The following PRKCD variants were observed in gnomAD, a reference collection of about 807,000 sequenced individuals.
PRKCD encodes protein kinase C delta.
A neutral mutation model predicts 82.2 loss-of-function variants in PRKCD; 20 were observed. The ratio of observed to expected loss-of-function variants is 0.24; its 90% CI spans 0.17 to 0.35. The LOEUF is 0.35. Among genes scored for constraint, PRKCD ranks in the 10% least tolerant of loss-of-function variants. The pLI is 1.00. For missense variants in PRKCD, 607 were observed against 899.0 expected (o/e 0.68, Z 4.15); for synonymous variants, 317 against 337.0 (o/e 0.94, Z 0.65).
intron 2 of PRKCD, among the ~76,000 whole-genome samples, chr3:53,168,922 C>T (rs115832719): frequency 0.011 from 1,659 of 150,572 alleles, 12 homozygotes; most frequent in Middle Eastern, 0.027. Flanking sequence ...GCACTGGGGG[C>T]TTGGGCAGGG....
intron 13 of PRKCD, 50 bp from the exon 14 acceptor site, chr3:53,186,554 G>A (rs781953846): frequency 1.3e-6 from 2 of 1,532,612 alleles, no homozygotes; most frequent in Non-Finnish European, 1.8e-6. Flanking sequence ...CCTCAGTGAG[G>A]GAGCCTCCTG....
chr3:53,183,072 C>T (rs782279532), intron 7 of PRKCD, 49 bp from the exon 8 acceptor site: 8 of 1,586,542 alleles, frequency 5.0e-6, no homozygotes, highest in South Asian at 1.1e-5. Flanking sequence ...ATAGACTCTG[C>T]CCCTCCCGGT....
Position 53,184,362 on chromosome 3 carries a change from AACAAC to A in PRKCD, c.788-510_788-506del, listed in dbSNP as rs869083501. Among the ~76,000 whole-genome samples, 929 of 146,088 alleles carry A rather than the reference AACAAC, an allele frequency of 6.4e-3. 13 individuals carry two copies. Among genetic ancestry groups the A allele is most frequent in the African/African-American group, 0.023 (892 of 39,074 alleles). Reference sequence around the variant, plus strand: ...CAACAACAACAACAACAACAACAACAACAACAAAAATCATGAAAGATTGAAATGCT... The same window carrying A: ...CAACAACAACAACAACAACAACAACAAAAAATCATGAAAGATTGAAATGCT... On this transcript the variant is annotated intron_variant, in intron 9 of 18. Transcript: ENST00000330452.
At chr3:53,188,644 A>G in intron 15 of PRKCD, 76 bp from the exon 16 acceptor site, 2 of 1,582,308 alleles carry the variant, frequency 1.3e-6, no homozygotes, top group Non-Finnish European at 1.7e-6. Context: ...ATACGGCTGA[A>G]AATTAGGACA....
chr3:53,162,200 C>T (rs1345650127), intron 1 of PRKCD, among the ~76,000 whole-genome samples: 1 of 148,682 alleles, frequency 6.7e-6, no homozygotes, highest in Non-Finnish European at 1.5e-5. Context: ...CTGCCCGATA[C>T]GGTCTGTACT....
In PRKCD at chr3:53,183,004, C is replaced by T. The variant is rs186842574; in HGVS notation, c.572-117C>T. ...GGCCTCTGCGGGGTGAGGGTGTGGG[C>T]GGTCAGGAGAACGGTGGCTTTGTGT... On this transcript the variant is annotated intron_variant, in intron 7 of 18. Coordinates refer to ENST00000330452, the MANE Select transcript of PRKCD (RefSeq NM_006254.4). 2.9e-4 allele frequency: 281 copies of T among 966,102 alleles called. 1 individual carries two copies. In the African/African-American group the frequency reaches 3.8e-3, roughly 13 times the overall value. 59.8% of individuals were successfully genotyped at this position (966,102 alleles called of 1,614,324 possible).
rs558357666 is a variant in PRKCD at position 53,176,253 on chromosome 3, G to A, written c.-19-2151G>A. ...CTCACATCCACTGAGTAGGAGCCAG[G>A]GCCGGGCAAGGAATGTGGTGGGGTC... On this transcript the variant is annotated intron_variant, in intron 2 of 18. Coordinates refer to ENST00000330452, the MANE Select transcript of PRKCD (RefSeq NM_006254.4). Among the ~76,000 whole-genome samples the A allele has an allele frequency of 1.1e-3, 171 of 151,934 alleles. 1 individual carries two copies. The highest frequency in any genetic ancestry group is 4.0e-3 in the African/African-American group (166 of 41,182).
chr3:53,186,202 C>T lies in PRKCD; in HGVS notation c.1122C>T (p.Tyr374=). ...GAGAGCTGAAGGGCAGAGGAGAGTACTTTGCCATCAAGGCCCTCAAGAAGG... is the reference window on the plus strand; with the variant it reads ...GAGAGCTGAAGGGCAGAGGAGAGTATTTTGCCATCAAGGCCCTCAAGAAGG... ...LLGELKGRGE[Y]FAIKALKKDV... is the part of the protein sequence containing the mutation. The change falls in exon 13 of 19, where the codon TAC becomes TAT. Residue 374 remains tyrosine, a synonymous_variant. Coordinates refer to ENST00000330452, the MANE Select transcript of PRKCD (RefSeq NM_006254.4). The T allele has an allele frequency of 6.2e-7, 1 of 1,614,154 alleles. No homozygotes were observed. The highest frequency in any genetic ancestry group is 2.2e-5 in the East Asian group (1 of 44,886).
At position 53,185,608 on chromosome 3, in the gene PRKCD, C is replaced by T; in HGVS notation, c.893C>T (p.Ala298Val). 1.9e-6 allele frequency: 3 copies of T among 1,613,374 alleles called. No homozygotes were observed. Among genetic ancestry groups the T allele is most frequent in the East Asian group, 2.2e-5 (1 of 44,888 alleles). The change falls in exon 11 of 19, where the codon GCC (alanine) becomes GTC (valine). Residue 298 changes from alanine to valine, a missense_variant. Around this residue, in one of 5 missense-constraint regions of PRKCD, gnomAD observed 85 missense variants for 76.1 expected, o/e 1.12. Transcript: ENST00000330452. Reference sequence around the variant, plus strand: ...CCACCTCTGCTCCCTCCCCAGAGAGCCTCCCGGAGATCAGACTCAGCCTCC... The same window carrying T: ...CCACCTCTGCTCCCTCCCCAGAGAGTCTCCCGGAGATCAGACTCAGCCTCC... ...AEALNQVTQR[A>V]SRRSDSASSE...
intron 15 of PRKCD, 31 bp downstream of exon 15, chr3:53,187,433 G>T (rs782501583): frequency 7.5e-6 from 12 of 1,610,548 alleles, no homozygotes; most frequent in Non-Finnish European, 1.0e-5. Flanking sequence ...GGGGCTCTTG[G>T]GAGGGGAGGC....
chr3:53,164,413 T>C (rs1358452194), intron 1 of PRKCD, among the ~76,000 whole-genome samples: 1 of 152,104 alleles, frequency 6.6e-6, no homozygotes, highest in Non-Finnish European at 1.5e-5. Context: ...TGAAACCCTG[T>C]CTGTACCAAA....
chr3:53,173,993 C>G (rs1703132455), intron 2 of PRKCD, among the ~76,000 whole-genome samples: 1 of 152,244 alleles, frequency 6.6e-6, no homozygotes, highest in African/African-American at 2.4e-5. Context: ...ACATGGCATA[C>G]TGGAAAGGAC....
chr3:53,181,920 C>A (rs782395003), intron 7 of PRKCD, 188 bp downstream of exon 7: 1 of 828,272 alleles, frequency 1.2e-6, no homozygotes, highest in Non-Finnish European at 2.0e-6. Context: ...AAAACCAGTT[C>A]TGCGCATCTC....
chr3:53,173,598 C>T (rs1290281950), intron 2 of PRKCD: 2 of 152,280 alleles, frequency 1.3e-5, no homozygotes, highest in Non-Finnish European at 2.9e-5. Context: ...TCTTCTGCCT[C>T]AGCCTCCCAG....
intron 14 of PRKCD, among the ~76,000 whole-genome samples, chr3:53,186,963 G>A (rs1703722408): frequency 6.6e-6 from 1 of 152,226 alleles, no homozygotes; most frequent in Non-Finnish European, 1.5e-5. Context: ...CCTTGCAAAT[G>A]GTGGTCCTGC....
At position 53,179,642 on chromosome 3, in the gene PRKCD, G is replaced by T; in HGVS notation, c.181G>T (p.Ala61Ser). Residue 61 changes from alanine to serine, a missense_variant, in exon 4 of 19, where the codon GCC becomes TCC. Coordinates refer to ENST00000330452, the MANE Select transcript of PRKCD (RefSeq NM_006254.4). ...MYPEWKSTFDAHIYEGRVIQI... is the reference protein window; with the variant it reads ...MYPEWKSTFDSHIYEGRVIQI... ...TCCTGAGTGGAAGTCGACGTTCGAT[G>T]CCCACATCTATGAGGGGCGCGTCAT... 6.2e-7 allele frequency: 1 copy of T among 1,614,092 alleles called. No individual in the cohort carries two copies. Among genetic ancestry groups the T allele is most frequent in the Non-Finnish European group, 8.5e-7 (1 of 1,179,984 alleles).
At chr3:53,191,473 C>T (rs948454331) in intron 18 of PRKCD, among the ~76,000 whole-genome samples, 2 of 152,244 alleles carry the variant, frequency 1.3e-5, no homozygotes, top group South Asian at 2.1e-4. Flanking sequence ...AAACCCAGTA[C>T]AAGCCGAAAT....
chr3:53,186,906 G>A (rs1242195776), intron 14 of PRKCD, among the ~76,000 whole-genome samples: 6 of 152,190 alleles, frequency 3.9e-5, no homozygotes, highest in Admixed American at 1.3e-4. Context: ...GGTGCGCAGC[G>A]CAAATACTCT....
chr3:53,179,799 C>CATGTGT, intron 4 of PRKCD, 23 bp downstream of exon 4: 7 of 1,409,564 alleles, frequency 5.0e-6, no homozygotes, highest in Non-Finnish European at 6.8e-6. Context: ...CGAGCCGTGC[C>CATGTGT]GTGTGTGTGT....
Sources: allele counts gnomAD v4.1 joint callset (sites outside exome capture counted in the v4.1 genomes callset), GRCh38; gene constraint gnomAD v4.1.1; regional missense constraint gnomAD v4.1.1; transcripts MANE v1.5; gene names NCBI Gene and HGNC (gene_info 2026-07-23, HGNC 2026-07-21).